The following ADCY8 variants were observed in gnomAD, a reference collection of about 807,000 sequenced individuals.
The protein encoded by ADCY8 is adenylate cyclase type 8.
A neutral mutation model predicts 119.7 loss-of-function variants in ADCY8; 51 were observed. The ratio of observed to expected loss-of-function variants is 0.43; its 90% CI spans 0.34 to 0.54. The LOEUF is 0.54. Ranked by LOEUF, ADCY8 falls within the 20% of genes least tolerant of loss-of-function variation. The pLI is 0.03. For synonymous variants in ADCY8, 665 were observed against 651.0 expected (o/e 1.02, Z -0.33); for missense variants, 1,383 against 1,598.8 (o/e 0.87, Z 2.30).
At chr8:130,874,198 C>T (rs1158621557) in intron 8 of ADCY8, among the ~76,000 whole-genome samples, 1 of 152,032 alleles carries the variant, frequency 6.6e-6, no homozygotes, top group East Asian at 1.9e-4. Flanking sequence ...GTCCCAGCTA[C>T]TCAGGAGGCT....
chr8:130,956,978 G>C (rs1382161240), intron 2 of ADCY8, among the ~76,000 whole-genome samples: 3 of 152,146 alleles, frequency 2.0e-5, no homozygotes, highest in Non-Finnish European at 4.4e-5. Context: ...ATCTTTACTA[G>C]TAGCGTGAAA....
chr8:130,879,755 G>C (rs1400798633), intron 8 of ADCY8, among the ~76,000 whole-genome samples: 1 of 152,190 alleles, frequency 6.6e-6, no homozygotes. Flanking sequence ...TACTGTGTAA[G>C]TGAATATTTA....
At chr8:130,940,093 T>G (rs1200776714) in intron 4 of ADCY8, among the ~76,000 whole-genome samples, 1 of 152,222 alleles carries the variant, frequency 6.6e-6, no homozygotes, top group Non-Finnish European at 1.5e-5. Flanking sequence ...TGCCAGGCAA[T>G]GTACTAAATG....
At chr8:130,880,833 C>A (rs950908196) in intron 8 of ADCY8, among the ~76,000 whole-genome samples, 1 of 152,174 alleles carries the variant, frequency 6.6e-6, no homozygotes, top group South Asian at 2.1e-4. Context: ...CTCTCCTGGG[C>A]AAACCAGGAC....
At chr8:130,828,408 C>T (rs1816731266) in intron 12 of ADCY8, among the ~76,000 whole-genome samples, 1 of 152,020 alleles carries the variant, frequency 6.6e-6, no homozygotes, top group Admixed American at 6.6e-5. Context: ...CACTCTGTGC[C>T]CTTGGTCTGG....
intron 14 of ADCY8, among the ~76,000 whole-genome samples, chr8:130,805,774 C>T (rs1024871597): frequency 3.3e-5 from 5 of 152,166 alleles, no homozygotes; most frequent in African/African-American, 1.2e-4. Context: ...CAGTGGCTGG[C>T]AGGGAGCCTG....
intron 5 of ADCY8, among the ~76,000 whole-genome samples, chr8:130,921,257 A>G (rs915548583): frequency 6.6e-6 from 1 of 152,140 alleles, no homozygotes; most frequent in Non-Finnish European, 1.5e-5. Context: ...TAAGAAGTGG[A>G]GGTTCCCATT....
chr8:130,917,277 A>G (rs1475950779), intron 5 of ADCY8, among the ~76,000 whole-genome samples: 1 of 152,156 alleles, frequency 6.6e-6, no homozygotes, highest in African/African-American at 2.4e-5. Context: ...CTAAAGATAT[A>G]AGCAGTGACC....
chr8:130,891,268 T>C (rs1819177067), intron 7 of ADCY8, among the ~76,000 whole-genome samples: 2 of 152,112 alleles, frequency 1.3e-5, no homozygotes, highest in African/African-American at 2.4e-5. Flanking sequence ...GAACTTCCTA[T>C]GTCCTACAAG....
At chr8:130,958,374 C>T (rs1319091722) in intron 2 of ADCY8, among the ~76,000 whole-genome samples, 1 of 152,082 alleles carries the variant, frequency 6.6e-6, no homozygotes, top group Non-Finnish European at 1.5e-5. Context: ...GTTACCCTCT[C>T]GTGGAGACCT....
intron 1 of ADCY8, among the ~76,000 whole-genome samples, chr8:131,014,948 G>A (rs1181339200): frequency 6.6e-6 from 1 of 152,130 alleles, no homozygotes; most frequent in Admixed American, 6.6e-5. Context: ...CGGTTATTGT[G>A]ACAATGTCAT....
chr8:131,019,797 TTCTCTCTC>T (rs61010907), intron 1 of ADCY8, among the ~76,000 whole-genome samples: 1,171 of 104,806 alleles, frequency 0.011, 8 homozygotes, highest in African/African-American at 0.016. Context: ...ATGGAACAAA[TTCTCTCTC>T]TCTCTCTCTC....
At position 130,813,973 on chromosome 8, in the gene ADCY8, GA is replaced by G. The variant is rs1205748159; in HGVS notation, c.2913+95del. The G allele has an allele frequency of 7.5e-6, 11 of 1,459,132 alleles. No individual in the cohort carries two copies. The East Asian group carries it at 2.5e-4, about 33-fold the overall frequency. 90.4% of individuals were successfully genotyped at this position (1,459,132 alleles called of 1,614,324 possible). ...CTCCATTCTCATGCACTCACATGAT[GA>G]CAGTGAAATTCTCCCAGAGTTTGGG... On this transcript the variant is annotated intron_variant, in intron 14 of 17. Coordinates refer to ENST00000286355, the MANE Select transcript of ADCY8 (RefSeq NM_001115.3).
intron 14 of ADCY8, among the ~76,000 whole-genome samples, chr8:130,807,007 T>C (rs375540875): frequency 4.6e-5 from 7 of 152,208 alleles, no homozygotes; most frequent in East Asian, 1.9e-4. Flanking sequence ...TTCAAAAATA[T>C]AAAAACACTT....
chr8:131,008,589 T>C (rs550954628), intron 1 of ADCY8, among the ~76,000 whole-genome samples: 3 of 152,300 alleles, frequency 2.0e-5, no homozygotes, highest in Admixed American at 1.3e-4. Flanking sequence ...TGGGTATTTC[T>C]TCATAGTAGT....
At chr8:130,943,497 G>GGGGGGGGGGCCCCC in intron 3 of ADCY8, 35 bp from the exon 4 acceptor site, 3 of 491,340 alleles carry the variant, frequency 6.1e-6, no homozygotes, top group East Asian at 5.4e-5. Context: ...GTGGGGGGAG[G>GGGGGGGGGGCCCCC]AAGTATATTA....
intron 15 of ADCY8, among the ~76,000 whole-genome samples, chr8:130,791,553 C>T (rs1815426370): frequency 6.6e-6 from 1 of 152,260 alleles, no homozygotes; most frequent in Non-Finnish European, 1.5e-5. Flanking sequence ...AGGTATTTTC[C>T]TATTACAAGA....
chr8:130,947,051 A>T (rs894370107), intron 3 of ADCY8, among the ~76,000 whole-genome samples: 1 of 152,132 alleles, frequency 6.6e-6, no homozygotes, highest in African/African-American at 2.4e-5. Context: ...TCTTGGCATA[A>T]TTTGTAGCTT....
intron 4 of ADCY8, among the ~76,000 whole-genome samples, chr8:130,939,125 T>C (rs149464698): frequency 7.0e-4 from 106 of 151,090 alleles, no homozygotes; most frequent in Non-Finnish European, 1.0e-3. Flanking sequence ...GTATGAACAA[T>C]CCATCAACAA....
Sources: allele counts gnomAD v4.1 joint callset (sites outside exome capture counted in the v4.1 genomes callset), GRCh38; gene constraint gnomAD v4.1.1; transcripts MANE v1.5; gene names NCBI Gene and HGNC (gene_info 2026-07-23, HGNC 2026-07-21).